Variants in GRID2 observed in about 807,000 individuals in gnomAD.
GRID2 encodes the protein glutamate ionotropic receptor delta type subunit 2, also known as glutamate receptor ionotropic, delta-2.
Under a neutral mutation model 114.8 loss-of-function variants are expected in GRID2, and 33 were observed. The observed-to-expected ratio is 0.29, with a 90% CI of 0.22 to 0.38. The LOEUF (loss-of-function observed/expected upper bound fraction) is 0.38. GRID2 is among the 10% of genes least tolerant of loss of function. GRID2 has a pLI of 1.00. For synonymous variants in GRID2, 505 were observed against 449.9 expected, an observed-to-expected ratio of 1.12 and a Z score of -1.55; for missense variants, 1,184 against 1,257.7, an observed-to-expected ratio of 0.94 and a Z score of 0.89.
intron 2 of GRID2, among the ~76,000 whole-genome samples, chr4:92,902,942 A>G (rs1459830847): frequency 2.0e-5 from 3 of 151,858 alleles, no homozygotes; most frequent in Admixed American, 1.3e-4. Context: ...GTACCATGCT[A>G]TTTTGGTTAC....
chr4:93,157,774 C>T (rs975241818), intron 4 of GRID2, among the ~76,000 whole-genome samples: 2 of 151,556 alleles, frequency 1.3e-5, no homozygotes, highest in African/African-American at 2.4e-5. Context: ...CATGCTCTCT[C>T]GCTACACCAG....
At chr4:93,562,034 G>A (rs1363979695) in intron 13 of GRID2, among the ~76,000 whole-genome samples, 1 of 151,940 alleles carries the variant, frequency 6.6e-6, no homozygotes, top group Non-Finnish European at 1.5e-5. Context: ...AACTCCTCTG[G>A]GTAAACACCA....
intron 8 of GRID2, among the ~76,000 whole-genome samples, chr4:93,320,495 AT>A (rs1757097817): frequency 6.6e-6 from 1 of 152,070 alleles, no homozygotes; most frequent in Non-Finnish European, 1.5e-5. Context: ...CAGCATCTAC[AT>A]TTTTTTAAAC....
intron 1 of GRID2, among the ~76,000 whole-genome samples, chr4:92,531,196 GA>G (rs112537690): frequency 1.8e-4 from 28 of 152,146 alleles, no homozygotes; most frequent in African/African-American, 5.8e-4. Context: ...ATAGATGTTG[GA>G]TCAATGAGTG....
At chr4:92,700,844 T>G (rs560570232) in intron 2 of GRID2, among the ~76,000 whole-genome samples, 1 of 152,096 alleles carries the variant, frequency 6.6e-6, no homozygotes, top group East Asian at 1.9e-4. Context: ...TACAAAAAAT[T>G]AGCCGGGCGA....
intron 14 of GRID2, among the ~76,000 whole-genome samples, chr4:93,734,882 C>T (rs1258696786): frequency 6.6e-6 from 1 of 151,938 alleles, no homozygotes; most frequent in East Asian, 1.9e-4. Flanking sequence ...AAATTTGAAG[C>T]TTTTAATAAA....
At chr4:93,525,223 C>A (rs186053492) in intron 13 of GRID2, among the ~76,000 whole-genome samples, 4 of 151,908 alleles carry the variant, frequency 2.6e-5, no homozygotes, top group African/African-American at 9.7e-5. Context: ...TGAAGACTTC[C>A]TAAAGGAAGT....
At chr4:93,410,266 A>G (rs894863521) in intron 9 of GRID2, among the ~76,000 whole-genome samples, 2 of 152,272 alleles carry the variant, frequency 1.3e-5, no homozygotes, top group Admixed American at 6.5e-5. Flanking sequence ...GGTAAAAAAA[A>G]GCATTCTTTT....
intron 14 of GRID2, among the ~76,000 whole-genome samples, chr4:93,732,248 T>A (rs1275430827): frequency 6.6e-6 from 1 of 152,126 alleles, no homozygotes; most frequent in African/African-American, 2.4e-5. Context: ...ACAATAATAT[T>A]TCCAGGGCTT....
At chr4:92,946,718 C>G (rs1397230254) in intron 2 of GRID2, among the ~76,000 whole-genome samples, 1 of 152,100 alleles carries the variant, frequency 6.6e-6, no homozygotes, top group African/African-American at 2.4e-5. Context: ...AGTCTCACAA[C>G]TTTCTGTACC....
intron 11 of GRID2, among the ~76,000 whole-genome samples, chr4:93,477,342 G>T (rs1725414043): frequency 6.6e-6 from 1 of 152,182 alleles, no homozygotes. Flanking sequence ...TTAAATTTCA[G>T]TATGAATGTT....
At chr4:92,363,383 C>A (rs957051966) in intron 1 of GRID2, among the ~76,000 whole-genome samples, 2 of 151,972 alleles carry the variant, frequency 1.3e-5, no homozygotes, top group African/African-American at 4.8e-5. Context: ...ATTTTGACTT[C>A]AGAACAATAA....
intron 2 of GRID2, among the ~76,000 whole-genome samples, chr4:92,700,725 G>C (rs994119793): frequency 6.6e-6 from 1 of 152,150 alleles, no homozygotes; most frequent in Admixed American, 6.5e-5. Flanking sequence ...GGGCGCGGTG[G>C]CTCACGCCTG....
At chr4:93,468,151 A>G (rs1219039982) in intron 11 of GRID2, among the ~76,000 whole-genome samples, 1 of 152,216 alleles carries the variant, frequency 6.6e-6, no homozygotes, top group Admixed American at 6.5e-5. Context: ...AGTTTCATAA[A>G]TTGAGAAAAG....
chr4:92,490,617 A>G (rs1295048711), intron 1 of GRID2, among the ~76,000 whole-genome samples: 1 of 152,194 alleles, frequency 6.6e-6, no homozygotes, highest in Non-Finnish European at 1.5e-5. Flanking sequence ...GTAGTGTGGA[A>G]TAATTACCGT....
chr4:93,286,723 G>GTGTGTTTGGCCTGCAAAGGAC (rs149683855), intron 8 of GRID2, among the ~76,000 whole-genome samples: 3 of 150,696 alleles, frequency 2.0e-5, no homozygotes, highest in African/African-American at 7.4e-5. Flanking sequence ...GTGTGTGTAT[G>GTGTGTTTGGCCTGCAAAGGAC]TTCCCACATT....
intron 2 of GRID2, among the ~76,000 whole-genome samples, chr4:92,977,151 T>C (rs764535098): frequency 4.6e-5 from 7 of 152,170 alleles, no homozygotes; most frequent in Non-Finnish European, 8.8e-5. Flanking sequence ...ATTTGGAAGA[T>C]AATTACGTAT....
At chr4:93,215,157 A>G (rs1744046624) in intron 5 of GRID2, among the ~76,000 whole-genome samples, 1 of 152,028 alleles carries the variant, frequency 6.6e-6, no homozygotes, top group Admixed American at 6.6e-5. Context: ...TTTGTAGTTC[A>G]TTATGAGTGG....
chr4:92,855,977 A>G (rs1343165831), intron 2 of GRID2, among the ~76,000 whole-genome samples: 2 of 152,102 alleles, frequency 1.3e-5, no homozygotes, highest in South Asian at 2.1e-4. Flanking sequence ...CACTTGAAAT[A>G]TATTTACAAT....
Sources: gnomAD v4.1 joint callset for allele counts (sites outside exome capture counted in the v4.1 genomes callset) on GRCh38, gnomAD v4.1.1 for gene constraint, MANE v1.5 for transcripts, NCBI Gene and HGNC (gene_info 2026-07-23, HGNC 2026-07-21) for gene names.